TUT7: variants seen among roughly 807,000 people sequenced by gnomAD.
TUT7 encodes the protein terminal uridylyl transferase 7, also known as terminal uridylyltransferase 7.
TUT7 carries 33 observed loss-of-function variants against 165.9 expected under a neutral mutation model. That is an observed-to-expected ratio of 0.20 (90% CI 0.15 to 0.27). The LOEUF (loss-of-function observed/expected upper bound fraction) is 0.27, where lower values mean the gene tolerates loss of function less well. Among genes scored for constraint, TUT7 ranks in the 10% least tolerant of loss-of-function variants. The pLI is 1.00. For missense variants in TUT7, 1,338 were observed against 1,762.3 expected (o/e 0.76, Z 4.31); for synonymous variants, 552 against 608.1 (o/e 0.91, Z 1.36).
intron 16 of TUT7, among the ~76,000 whole-genome samples, chr9:86,318,339 A>G (rs1016638698): frequency 2.6e-5 from 4 of 152,188 alleles, no homozygotes; most frequent in African/African-American, 7.2e-5. Context: ...TAGACATTAC[A>G]TATGTGAATG....
rs764476074 is a variant in TUT7 at position 86,288,701 on chromosome 9, C to T, written c.4464G>A (p.Ala1488=). 6.2e-6 allele frequency: 10 copies of T among 1,613,724 alleles called. No individual in the cohort carries two copies. The highest frequency in any genetic ancestry group is 2.7e-5 in the African/African-American group (2 of 74,882). Reference sequence around the variant, plus strand: ...CTCATGATTCCTGCTGGGTCCTCTTCGCTGAGGCTTTTCCCTGAGTCATAT... The same window carrying T: ...CTCATGATTCCTGCTGGGTCCTCTTTGCTGAGGCTTTTCCCTGAGTCATAT... ...SKYMTQGKAS[A]KRTQQES Residue 1488 remains alanine, a synonymous_variant, in exon 27 of 27, where the codon GCG becomes GCA. Coordinates refer to ENST00000375963, the MANE Select transcript of TUT7 (RefSeq NM_024617.4).
chr9:86,322,741 A>G, intron 13 of TUT7, 132 bp downstream of exon 13: 3 of 1,086,882 alleles, frequency 2.8e-6, no homozygotes, highest in South Asian at 1.7e-5. Flanking sequence ...CCGAGCAGTC[A>G]TATCAGAATG....
rs1382336354 is a variant in TUT7 at position 86,354,402 on chromosome 9, C to G, written c.-163G>C. The G allele has an allele frequency of 6.5e-6, 1 of 153,112 alleles. No individual in the cohort carries two copies. The highest frequency in any genetic ancestry group is 1.5e-5 in the Non-Finnish European group (1 of 68,424). The allele number at this position is 153,112 out of a possible 1,614,324, so 9.5% of individuals were successfully genotyped here. Reference sequence around the variant, plus strand: ...TCACCACCTTCGCCGCGGTCCCCAGCCTCTTCCTGTCCCGGCCGGGCTCCC... The same window carrying G: ...TCACCACCTTCGCCGCGGTCCCCAGGCTCTTCCTGTCCCGGCCGGGCTCCC... On this transcript the variant is annotated 5_prime_UTR_variant, in exon 1 of 27. Coordinates refer to ENST00000375963, the MANE Select transcript of TUT7 (RefSeq NM_024617.4).
chr9:86,340,158 A>C, intron 7 of TUT7, 53 bp from the exon 8 acceptor site: 1 of 1,468,838 alleles, frequency 6.8e-7, no homozygotes. Context: ...CTTTGTTTAA[A>C]AGCAGAACCA....
rs1425642936 is a variant in TUT7, at chr9:86,310,647, C to A, written c.3378+59G>T. ...TGACTTCTTTAACTTGAGGTTTTTG[C>A]AAGGTGAGACATTTGTTCCCTTAAC... On this transcript the variant is annotated intron_variant, in intron 18 of 26. Coordinates refer to ENST00000375963, the MANE Select transcript of TUT7 (RefSeq NM_024617.4). 6 of 891,026 alleles carry A rather than the reference C, an allele frequency of 6.7e-6. No individual in the cohort carries two copies. In the African/African-American group the frequency reaches 8.4e-5, roughly 12 times the overall value. 55.2% of individuals were successfully genotyped at this position (891,026 alleles called of 1,614,324 possible).
At position 86,311,668 on chromosome 9, in the gene TUT7, G is replaced by GGTCTCCCTCTGATGCCA. The variant is rs1828083950; in HGVS notation, c.3275-860_3275-859insTGGCATCAGAGGGAGAC. Among the ~76,000 whole-genome samples the GGTCTCCCTCTGATGCCA allele has an allele frequency of 6.6e-6, 1 of 151,950 alleles. No individual in the cohort carries two copies. The highest frequency in any genetic ancestry group is 2.4e-5 in the African/African-American group (1 of 41,350). On this transcript the variant is annotated intron_variant, in intron 17 of 26. Coordinates refer to ENST00000375963, the MANE Select transcript of TUT7 (RefSeq NM_024617.4). The surrounding 1 kb of genome is among the most constrained non-coding windows in gnomAD (Gnocchi z 4.4). ...CTGATGCCGGTCTCCCTCTGATGCC[G>GGTCTCCCTCTGATGCCA]AGCCGAAGCTGGACTGTACCGCTGC...
Position 86,323,186 on chromosome 9 carries a change from T to G in TUT7, c.2564A>C (p.Glu855Ala), listed in dbSNP as rs1181775354. 1 of 1,614,130 alleles carries G rather than the reference T, an allele frequency of 6.2e-7. No homozygotes were observed. Among genetic ancestry groups the G allele is most frequent in the Non-Finnish European group, 8.5e-7 (1 of 1,180,020 alleles). Residue 855 changes from glutamate to alanine, a missense_variant, in exon 13 of 27, where the codon GAG becomes GCG. Physicochemically the swap from Glu to Ala is moderately radical, Grantham distance 107. Coordinates refer to ENST00000375963, the MANE Select transcript of TUT7 (RefSeq NM_024617.4). ...DEEEEDDEEE[E>A]EEEEPRLTIN... ...GGTGAGCCTAGGTTCTTCTTCCTCC[T>G]CCTCTTCTTCGTCGTCCTCCTCCTC...
chr9:86,319,748 T>G (rs1829060564), intron 14 of TUT7, 78 bp from the exon 15 acceptor site: 3 of 984,660 alleles, frequency 3.0e-6, no homozygotes, highest in Non-Finnish European at 4.5e-6. Flanking sequence ...AATTTATTTT[T>G]TAGAAAATAA....
intron 26 of TUT7, among the ~76,000 whole-genome samples, chr9:86,293,991 C>G (rs1278759196): frequency 6.6e-6 from 1 of 152,170 alleles, no homozygotes; most frequent in African/African-American, 2.4e-5. Context: ...GGTGATCCAC[C>G]CGCCTCGGTG....
intron 2 of TUT7, among the ~76,000 whole-genome samples, chr9:86,350,763 C>T (rs1234905232): frequency 1.3e-5 from 2 of 152,246 alleles, no homozygotes; most frequent in African/African-American, 4.8e-5. Context: ...TGTCTCCCTA[C>T]TACTTAACGC....
chr9:86,315,641 TCAAAACAAAA>T (rs569546895), intron 17 of TUT7, among the ~76,000 whole-genome samples: 31 of 152,272 alleles, frequency 2.0e-4, no homozygotes, highest in Middle Eastern at 3.4e-3. Context: ...TGCACGACCT[TCAAAACAAAA>T]CAAAACAAAA....
chr9:86,296,257 T>C (rs1006246582), intron 26 of TUT7, among the ~76,000 whole-genome samples: 17 of 152,082 alleles, frequency 1.1e-4, no homozygotes, highest in Non-Finnish European at 2.5e-4. Context: ...CACAGAGAGG[T>C]TGCATAACTT....
chr9:86,324,926 G>GA (rs1188937626), intron 12 of TUT7, among the ~76,000 whole-genome samples: 1 of 152,166 alleles, frequency 6.6e-6, no homozygotes, highest in African/African-American at 2.4e-5. Flanking sequence ...TTTTTGACGA[G>GA]AAAAAGTATT....
rs1272011642 is a variant in TUT7, at chr9:86,288,594, GCTGTGTC to G, written c.*76_*82del. 1 of 1,042,988 alleles carries G rather than the reference GCTGTGTC, an allele frequency of 9.6e-7. No homozygotes were observed. The highest frequency in any genetic ancestry group is 2.4e-5 in the East Asian group (1 of 41,434). The allele number at this position is 1,042,988 out of a possible 1,614,324, so 64.6% of individuals were successfully genotyped here. On this transcript the variant is annotated 3_prime_UTR_variant, in exon 27 of 27. Coordinates refer to ENST00000375963, the MANE Select transcript of TUT7 (RefSeq NM_024617.4). ...GTTAAGTTGAAGCCTGATCTACACT[GCTGTGTC>G]CTGTGAAATGAACCTAATTTTCCGA...
In TUT7 at chr9:86,319,627, A is replaced by T; in HGVS notation, c.3072T>A (p.His1024Gln). The T allele has an allele frequency of 6.2e-7, 1 of 1,609,620 alleles. No homozygotes were observed. The highest frequency in any genetic ancestry group is 1.1e-5 in the South Asian group (1 of 89,586). ...TGAAACTTTCTAGGTTTTGCCGAAT[A>T]TGTTCACGAGCCTGATCTTCTATAA... ...PTIIEDQARE[H>Q]IRQNLESFIR... The change falls in exon 15 of 27, where the codon CAT becomes CAA. Residue 1024 changes from histidine (H) to glutamine (Q), a missense_variant. By Grantham distance (24) the His-to-Gln change is conservative (BLOSUM62 0). Around this residue, in one of 7 missense-constraint regions of TUT7, gnomAD observed 157 missense variants for 357.5 expected, o/e 0.44. Coordinates refer to ENST00000375963, the MANE Select transcript of TUT7 (RefSeq NM_024617.4).
chr9:86,295,631 A>G (rs1280817728), intron 26 of TUT7, among the ~76,000 whole-genome samples: 1 of 152,172 alleles, frequency 6.6e-6, no homozygotes, highest in Non-Finnish European at 1.5e-5. Context: ...ACTATTTTAA[A>G]AAGTATTTCT....
At chr9:86,342,922 A>T (rs1831439485) in intron 6 of TUT7, among the ~76,000 whole-genome samples, 153 bp downstream of exon 6, 1 of 148,640 alleles carries the variant, frequency 6.7e-6, no homozygotes. Flanking sequence ...GCAGAGTATT[A>T]AAAAAAAAAG....
At chr9:86,316,182 C>T (rs1828705145) in intron 17 of TUT7, among the ~76,000 whole-genome samples, 1 of 152,166 alleles carries the variant, frequency 6.6e-6, no homozygotes, top group Non-Finnish European at 1.5e-5. Context: ...GTATCCATAG[C>T]TGCCATGACA....
intron 26 of TUT7, among the ~76,000 whole-genome samples, chr9:86,297,357 A>G (rs566767488): frequency 1.3e-5 from 2 of 152,252 alleles, no homozygotes; most frequent in African/African-American, 4.8e-5. Flanking sequence ...CTTTTTACAC[A>G]TGAGAAAACT....
Sources: allele counts gnomAD v4.1 joint callset (sites outside exome capture counted in the v4.1 genomes callset), GRCh38; gene constraint gnomAD v4.1.1; regional missense constraint gnomAD v4.1.1; non-coding constraint Gnocchi (gnomAD v3.1); transcripts MANE v1.5; gene names NCBI Gene and HGNC (gene_info 2026-07-23, HGNC 2026-07-21).